Variants in TRMT11 observed in about 807,000 individuals in gnomAD.
TRMT11 encodes the protein tRNA (guanine(10)-N(2))-methyltransferase TRMT11.
A neutral mutation model predicts 62.8 loss-of-function variants in TRMT11; 53 were observed. The ratio of observed to expected loss-of-function variants is 0.84; its 90% CI spans 0.68 to 1.06. TRMT11 has a LOEUF of 1.06. Among genes scored for constraint, TRMT11 ranks in the 50% least tolerant of loss-of-function variants. The pLI is 0.00. For synonymous variants in TRMT11, 188 were observed against 190.3 expected, an observed-to-expected ratio of 0.99 and a Z score of 0.10; for missense variants, 556 against 553.4, an observed-to-expected ratio of 1.00 and a Z score of -0.05.
rs554609832 is a variant in TRMT11 at position 126,139,935 on chromosome 6, A to G, written c.*1823+24080A>G. On this transcript the variant is annotated intron_variant and NMD_transcript_variant, in intron 21 of 22. Coordinates refer to the TRMT11 transcript ENST00000648977. ...TCTGATTTGTTATTGTCTTGGATAG[A>G]CAAGGATGGTGCAGAAGTGCTGGAT... Among the ~76,000 whole-genome samples, 10 of 152,198 alleles carry G rather than the reference A, an allele frequency of 6.6e-5. 1 individual carries two copies. In the East Asian group the frequency reaches 1.9e-3, roughly 29 times the overall value.
At chr6:126,141,021 C>A (rs1249943059) in intron 21 of TRMT11, among the ~76,000 whole-genome samples, 2 of 151,988 alleles carry the variant, frequency 1.3e-5, no homozygotes, top group Non-Finnish European at 2.9e-5. Context: ...TACATAATGA[C>A]TCTACTGGTC....
intron 17 of TRMT11, among the ~76,000 whole-genome samples, chr6:126,068,310 G>A (rs1776748278): frequency 6.6e-6 from 1 of 152,020 alleles, no homozygotes; most frequent in African/African-American, 2.4e-5. Flanking sequence ...TTCCTTTATG[G>A]TGAGAACCTT....
At chr6:126,090,517 A>C (rs1254514930) in intron 17 of TRMT11, among the ~76,000 whole-genome samples, 2 of 152,210 alleles carry the variant, frequency 1.3e-5, no homozygotes, top group African/African-American at 4.8e-5. Context: ...TATTGAACAT[A>C]GACAAAGCCT....
intron 17 of TRMT11, among the ~76,000 whole-genome samples, chr6:126,062,029 G>A (rs778786342): frequency 6.6e-6 from 1 of 152,096 alleles, no homozygotes; most frequent in Non-Finnish European, 1.5e-5. Context: ...ACAGGTACAC[G>A]CTGCCACGCT....
intron 11 of TRMT11, among the ~76,000 whole-genome samples, chr6:126,015,151 C>A (rs999248487): frequency 4.2e-4 from 64 of 152,088 alleles, no homozygotes; most frequent in African/African-American, 1.5e-3. Flanking sequence ...CAGAAAACTC[C>A]CATCTCTACC....
At chr6:125,996,237 C>T (rs189002355) in intron 3 of TRMT11, among the ~76,000 whole-genome samples, 197 bp downstream of exon 3, 7 of 152,082 alleles carry the variant, frequency 4.6e-5, no homozygotes, top group Non-Finnish European at 1.0e-4. Flanking sequence ...GGGGAAATGT[C>T]GACACATTTG....
At chr6:125,992,777 A>G (rs1790833460) in intron 1 of TRMT11, among the ~76,000 whole-genome samples, 1 of 152,242 alleles carries the variant, frequency 6.6e-6, no homozygotes, top group Non-Finnish European at 1.5e-5. Context: ...TTGCTGCAAA[A>G]TAACCTTTGG....
intron 21 of TRMT11, among the ~76,000 whole-genome samples, chr6:126,148,704 AAG>A (rs1278400790): frequency 2.0e-5 from 3 of 152,212 alleles, no homozygotes; most frequent in Non-Finnish European, 4.4e-5. Context: ...TAAAAACTAA[AAG>A]AGAGTCATTT....
intron 21 of TRMT11, among the ~76,000 whole-genome samples, chr6:126,168,890 A>G (rs1778298131): frequency 6.6e-6 from 1 of 152,230 alleles, no homozygotes; most frequent in Non-Finnish European, 1.5e-5. Flanking sequence ...TGGTGGATCC[A>G]CTTGTCTCAT....
At chr6:126,231,946 G>C in the TRMT11 span, among the ~76,000 whole-genome samples, 2 of 152,138 alleles carry the variant, frequency 1.3e-5, no homozygotes, top group Admixed American at 1.3e-4. Flanking sequence ...GGCTACCAGA[G>C]AGTGTTTGTA....
the TRMT11 span, among the ~76,000 whole-genome samples, chr6:126,209,602 T>G: frequency 7.3e-5 from 11 of 150,362 alleles, no homozygotes; most frequent in African/African-American, 2.4e-4. Context: ...GGCGGGCGCC[T>G]GTAGTCCCAG....
intron 21 of TRMT11, among the ~76,000 whole-genome samples, chr6:126,120,668 G>A (rs1358433542): frequency 6.6e-6 from 1 of 152,104 alleles, no homozygotes; most frequent in African/African-American, 2.4e-5. Context: ...TTTGATTCTG[G>A]ATAGTATTGT....
the TRMT11 span, among the ~76,000 whole-genome samples, chr6:126,241,777 T>C: frequency 4.6e-5 from 7 of 152,210 alleles, no homozygotes; most frequent in Non-Finnish European, 8.8e-5. Context: ...ATAAATTAGG[T>C]ATTGTTGGGA....
At chr6:126,006,410 A>T (rs1050703578) in intron 7 of TRMT11, among the ~76,000 whole-genome samples, 5 of 152,026 alleles carry the variant, frequency 3.3e-5, no homozygotes, top group African/African-American at 1.2e-4. Context: ...TCATGGAATA[A>T]ATTCAATTCT....
At chr6:126,026,802 G>GTTTTT (rs1222722212) in intron 12 of TRMT11, among the ~76,000 whole-genome samples, 8 of 121,732 alleles carry the variant, frequency 6.6e-5, no homozygotes, top group African/African-American at 2.0e-4. Context: ...GGTTTTTTGG[G>GTTTTT]TTTTTTTTTT....
At chr6:126,225,786 T>G in the TRMT11 span, among the ~76,000 whole-genome samples, 1 of 149,998 alleles carries the variant, frequency 6.7e-6, no homozygotes, top group African/African-American at 2.5e-5. Context: ...TACCTCCTGG[T>G]TGAAGCGATT....
intron 21 of TRMT11, among the ~76,000 whole-genome samples, chr6:126,116,923 T>A (rs77611585): frequency 0.014 from 2,183 of 152,220 alleles, 43 homozygotes; most frequent in African/African-American, 0.05. Context: ...TTTTTGGAGA[T>A]ATTTTGTGTT....
At chr6:126,050,064 C>T (rs925077597) in intron 16 of TRMT11, among the ~76,000 whole-genome samples, 6 of 152,146 alleles carry the variant, frequency 3.9e-5, no homozygotes, top group African/African-American at 1.2e-4. Context: ...CATGGTGGCT[C>T]ATGCCTGTAA....
chr6:126,038,623 A>C (rs866400668), intron 12 of TRMT11, 82 bp from the exon 13 acceptor site: 13 of 1,259,168 alleles, frequency 1.0e-5, no homozygotes, highest in South Asian at 5.2e-5. Flanking sequence ...TTTGCTTAAG[A>C]TTTTGCTTAA....
Sources: gnomAD v4.1 joint callset for allele counts (sites outside exome capture counted in the v4.1 genomes callset) on GRCh38, gnomAD v4.1.1 for gene constraint, MANE v1.5 for transcripts, NCBI Gene and HGNC (gene_info 2026-07-23, HGNC 2026-07-21) for gene names.